TPR: variants seen among roughly 807,000 people sequenced by gnomAD.
TPR encodes translocated promoter region, nuclear basket protein, also known as nucleoprotein TPR.
TPR carries 51 observed loss-of-function variants against 316.1 expected under a neutral mutation model. The ratio of observed to expected loss-of-function variants is 0.16; its 90% CI spans 0.13 to 0.20. The LOEUF (loss-of-function observed/expected upper bound fraction) is 0.20. TPR is among the 10% of genes least tolerant of loss of function. The pLI is 1.00. For missense variants in TPR, 2,272 were observed against 2,754.8 expected, an observed-to-expected ratio of 0.82 and a Z score of 3.92; for synonymous variants, 981 against 914.7, an observed-to-expected ratio of 1.07 and a Z score of -1.31.
intron 42 of TPR, 68 bp downstream of exon 42, chr1:186,325,696 T>C (rs910743619): frequency 1.6e-6 from 2 of 1,246,122 alleles, no homozygotes; most frequent in Non-Finnish European, 2.3e-6. Flanking sequence ...TATATTAGAA[T>C]TAAGTGCAAT....
intron 48 of TPR, 70 bp from the exon 49 acceptor site, chr1:186,317,670 T>A: frequency 7.2e-7 from 1 of 1,395,256 alleles, no homozygotes; most frequent in Non-Finnish European, 1.0e-6. Flanking sequence ...TCCACTCTTT[T>A]AAATCTATTT....
rs1658040770 is a variant in TPR at position 186,327,596 on chromosome 1, A to G, written c.5753T>C (p.Ile1918Thr). The G allele has an allele frequency of 1.2e-6, 2 of 1,612,922 alleles. No homozygotes were observed. Among genetic ancestry groups the G allele is most frequent in the South Asian group, 2.2e-5 (2 of 91,060 alleles). The change falls in exon 40 of 51, where the codon ATA (isoleucine) becomes ACA (threonine). Residue 1918 changes from isoleucine to threonine, a missense_variant. Transcript: ENST00000367478. ...DSEETSQSLQ[I>T]DLGPLQSDQQ... ...ATCTGATTGAAGTGGCCCAAGATCT[A>G]TTTGTAGAGACTGAGAGGTTTCTTC...
Position 186,313,081 on chromosome 1 carries a change from C to T in TPR, c.*890G>A, listed in dbSNP as rs1451391877. On this transcript the variant is annotated 3_prime_UTR_variant, in exon 51 of 51. Transcript: ENST00000367478. ...CAATTAAAATGATGGCACTGCAATT[C>T]AATTCTGCTCTAACCTTCATGAGAT... 1.6e-6 allele frequency: 1 copy of T among 617,424 alleles called. No homozygotes were observed. Among genetic ancestry groups the T allele is most frequent in the African/African-American group, 1.8e-5 (1 of 54,406 alleles). The allele number at this position is 617,424 out of a possible 1,614,324, so 38.2% of individuals were successfully genotyped here.
intron 21 of TPR, among the ~76,000 whole-genome samples, chr1:186,349,053 A>C (rs1381204708): frequency 6.6e-6 from 1 of 152,210 alleles, no homozygotes; most frequent in Non-Finnish European, 1.5e-5. Flanking sequence ...TCATAATTTG[A>C]AACTATCATG....
chr1:186,333,699 A>C (rs1658247791), intron 36 of TPR, among the ~76,000 whole-genome samples: 1 of 152,192 alleles, frequency 6.6e-6, no homozygotes, highest in South Asian at 2.1e-4. Context: ...TTTTTCATTA[A>C]GCATCATTTA....
rs115070426 is a variant in TPR at position 186,332,424 on chromosome 1, T to C, written c.5456-81A>G. The C allele has an allele frequency of 6.3e-5, 90 of 1,425,194 alleles. No homozygotes were observed. The African/African-American group carries it at 1.2e-3, about 19-fold the overall frequency. 88.3% of individuals were successfully genotyped at this position (1,425,194 alleles called of 1,614,324 possible). On this transcript the variant is annotated intron_variant, in intron 37 of 50. Coordinates refer to ENST00000367478, the MANE Select transcript of TPR (RefSeq NM_003292.3). ...AGATAGTTTACCCAATATGGTCACT[T>C]AACTAAAGGAGAACACAGTAAACAT...
intron 3 of TPR, among the ~76,000 whole-genome samples, chr1:186,370,465 A>G (rs1659487231): frequency 6.6e-6 from 1 of 152,122 alleles, no homozygotes; most frequent in South Asian, 2.1e-4. Flanking sequence ...GCCTATTCAG[A>G]TTCTGGAAGT....
At chr1:186,365,122 G>A in intron 4 of TPR, among the ~76,000 whole-genome samples, 1 of 103,048 alleles carries the variant, frequency 9.7e-6, no homozygotes, top group South Asian at 3.1e-4. Context: ...TTTGGAGACA[G>A]TCTCGCTCTA....
intron 18 of TPR, 79 bp downstream of exon 18, chr1:186,353,609 G>C (rs1658938121): frequency 1.3e-6 from 2 of 1,493,728 alleles, no homozygotes; most frequent in East Asian, 4.5e-5. Context: ...TCCTATCAGT[G>C]AGTAAAATTC....
At position 186,312,728 on chromosome 1, in the gene TPR, C is replaced by A; in HGVS notation, c.*1243G>T. 6.3e-7 allele frequency: 1 copy of A among 1,598,562 alleles called. No individual in the cohort carries two copies. Among genetic ancestry groups the A allele is most frequent in the Non-Finnish European group, 8.6e-7 (1 of 1,166,132 alleles). ...TGGCTCTTTCCAAGATAGTACATTG[C>A]CTTTTAATCTGGTATCTTTTATTAA... On this transcript the variant is annotated 3_prime_UTR_variant, in exon 51 of 51. Transcript: ENST00000367478.
intron 29 of TPR, among the ~76,000 whole-genome samples, chr1:186,340,688 C>T (rs1245244519): frequency 6.6e-6 from 1 of 152,082 alleles, no homozygotes; most frequent in Non-Finnish European, 1.5e-5. Flanking sequence ...ATCTTGGCTT[C>T]CGAAAGTGCT....
chr1:186,363,471 A>C, intron 4 of TPR, 26 bp from the exon 5 acceptor site: 1 of 1,455,846 alleles, frequency 6.9e-7, no homozygotes, highest in Non-Finnish European at 9.6e-7. Flanking sequence ...GAATTAAAAA[A>C]TAATAACTAA....
At position 186,318,781 on chromosome 1, in the gene TPR, A is replaced by C; in HGVS notation, c.6616T>G (p.Ser2206Ala). The C allele has an allele frequency of 6.2e-7, 1 of 1,614,112 alleles. No individual in the cohort carries two copies. Among genetic ancestry groups the C allele is most frequent in the Non-Finnish European group, 8.5e-7 (1 of 1,180,028 alleles). ...GTAGTGGGAACACTTCGGCCACCTG[A>C]CTCTTCTTCATGAGCTAGGAACAGG... ...TPLFLAHEEE[S>A]GGRSVPTTPL... Residue 2206 changes from serine (S) to alanine (A), a missense_variant, in exon 47 of 51, where the codon TCA becomes GCA. Ser to Ala is a moderately conservative substitution (Grantham distance 99, BLOSUM62 1). Transcript: ENST00000367478.
intron 3 of TPR, among the ~76,000 whole-genome samples, chr1:186,368,587 G>C (rs1420936562): frequency 6.6e-6 from 1 of 152,196 alleles, no homozygotes; most frequent in Non-Finnish European, 1.5e-5. Flanking sequence ...TCTAGCCTGA[G>C]TGACAGAGTG....
intron 31 of TPR, 79 bp downstream of exon 31, chr1:186,337,954 A>G: frequency 8.6e-7 from 1 of 1,166,754 alleles, no homozygotes; most frequent in Non-Finnish European, 1.2e-6. Context: ...AAAGCTAGTA[A>G]TATTCAAAAT....
intron 18 of TPR, 114 bp downstream of exon 18, chr1:186,353,574 C>T (rs1005405666): frequency 1.1e-5 from 13 of 1,186,046 alleles, no homozygotes; most frequent in Middle Eastern, 2.2e-4. Flanking sequence ...CTTGGTGTAA[C>T]CTCCAAACTT....
chr1:186,348,883 A>C (rs1056036063), intron 21 of TPR, among the ~76,000 whole-genome samples: 3 of 152,174 alleles, frequency 2.0e-5, no homozygotes, highest in African/African-American at 7.2e-5. Flanking sequence ...ATTGGAAAGA[A>C]TGTTTTATCA....
At chr1:186,328,361 T>C (rs989915348) in intron 39 of TPR, among the ~76,000 whole-genome samples, 9 of 152,262 alleles carry the variant, frequency 5.9e-5, no homozygotes, top group Admixed American at 3.3e-4. Flanking sequence ...AACCAATATA[T>C]CCAAAATATT....
At position 186,359,815 on chromosome 1, in the gene TPR, A is replaced by C. The variant is rs1332715743; in HGVS notation, c.1373T>G (p.Leu458Arg). The C allele has an allele frequency of 6.3e-7, 1 of 1,587,072 alleles. No homozygotes were observed. The highest frequency in any genetic ancestry group is 8.5e-7 in the Non-Finnish European group (1 of 1,172,900). The change falls in exon 12 of 51, where the codon CTT (leucine) becomes CGT (arginine). Residue 458 changes from leucine to arginine, a missense_variant. Transcript: ENST00000367478. Reference protein sequence around the residue: ...QKAVASLSVKLEQAMKEIQRL... With the variant: ...QKAVASLSVKREQAMKEIQRL... The stretch of plus-strand genomic sequence containing the variant: ...GGAACCAACCTTCATAGCTTGTTCA[A>C]GCTTAACAGATAAACTTGCTACAGC...
Sources: gnomAD v4.1 joint callset for allele counts (sites outside exome capture counted in the v4.1 genomes callset) on GRCh38, gnomAD v4.1.1 for gene constraint, MANE v1.5 for transcripts, NCBI Gene and HGNC (gene_info 2026-07-23, HGNC 2026-07-21) for gene names.